The following PEAK1 variants were observed in gnomAD, a reference collection of about 807,000 sequenced individuals.
PEAK1 encodes the protein pseudopodium enriched atypical kinase 1, also known as inactive tyrosine-protein kinase PEAK1.
Under a neutral mutation model 124.7 loss-of-function variants are expected in PEAK1, and 54 were observed. The observed-to-expected ratio is 0.43, with a 90% CI of 0.35 to 0.54. PEAK1 has a LOEUF of 0.54. PEAK1 is among the 20% of genes least tolerant of loss of function. The pLI is 0.01. For synonymous variants in PEAK1, 719 were observed against 760.0 expected, an observed-to-expected ratio of 0.95 and a Z score of 0.89; for missense variants, 2,046 against 2,134.5, an observed-to-expected ratio of 0.96 and a Z score of 0.82.
At chr15:77,319,544 T>A (rs947510128) in intron 2 of PEAK1, among the ~76,000 whole-genome samples, 3 of 152,168 alleles carry the variant, frequency 2.0e-5, no homozygotes, top group Non-Finnish European at 4.4e-5. Flanking sequence ...TAGCTTGTGA[T>A]GATAATGGAA....
chr15:77,356,408 T>C (rs1168296853), intron 2 of PEAK1, among the ~76,000 whole-genome samples: 4 of 152,134 alleles, frequency 2.6e-5, no homozygotes, highest in South Asian at 2.1e-4. Flanking sequence ...CATACATCAA[T>C]GGTAGGAGAA....
chr15:77,390,048 T>C (rs912976273), intron 1 of PEAK1, among the ~76,000 whole-genome samples: 1 of 152,210 alleles, frequency 6.6e-6, no homozygotes, highest in African/African-American at 2.4e-5. Context: ...CCCTATGAAG[T>C]GGATACTTTT....
At chr15:77,141,147 G>A (rs536105207) in intron 8 of PEAK1, among the ~76,000 whole-genome samples, 33 of 152,122 alleles carry the variant, frequency 2.2e-4, no homozygotes, top group Admixed American at 1.2e-3. Context: ...GAAGCGTAGC[G>A]AATCCACACA....
At chr15:77,293,604 T>C (rs1048241748) in intron 2 of PEAK1, among the ~76,000 whole-genome samples, 4 of 152,226 alleles carry the variant, frequency 2.6e-5, no homozygotes, top group Admixed American at 1.3e-4. Flanking sequence ...TCCATGTGCT[T>C]CCACAGTATT....
At chr15:77,223,783 C>A (rs1007209850) in intron 6 of PEAK1, among the ~76,000 whole-genome samples, 40 of 151,718 alleles carry the variant, frequency 2.6e-4, no homozygotes, top group African/African-American at 9.7e-4. Flanking sequence ...TCCCTCTCTT[C>A]ACTGAAAACA....
chr15:77,350,543 TCTC>T, intron 2 of PEAK1: 1 of 979,416 alleles, frequency 1.0e-6, no homozygotes, highest in Admixed American at 6.2e-5. Flanking sequence ...CAATTGTGAG[TCTC>T]CTTAGTGTTA....
At chr15:77,173,937 T>C (rs565331944) in intron 7 of PEAK1, among the ~76,000 whole-genome samples, 1 of 152,254 alleles carries the variant, frequency 6.6e-6, no homozygotes, top group Non-Finnish European at 1.5e-5. Context: ...CCTAATAACA[T>C]TTTTAAGCAG....
intron 1 of PEAK1, among the ~76,000 whole-genome samples, chr15:77,371,968 G>A (rs1252955624): frequency 6.6e-6 from 1 of 152,166 alleles, no homozygotes; most frequent in East Asian, 1.9e-4. Flanking sequence ...CACATAATGG[G>A]TACTTTAAAA....
chr15:77,182,094 T>C, intron 6 of PEAK1, 54 bp from the exon 7 acceptor site: 2 of 1,302,436 alleles, frequency 1.5e-6, no homozygotes, highest in Admixed American at 3.6e-5. Flanking sequence ...ACTATGAGAC[T>C]TACCATTATT....
At position 77,113,743 on chromosome 15, in the gene PEAK1, C is replaced by T. The variant is rs1308649234; in HGVS notation, c.*413G>A. On this transcript the variant is annotated 3_prime_UTR_variant, in exon 10 of 10. Coordinates refer to ENST00000682557, the MANE Select transcript of PEAK1 (RefSeq NM_001385026.1). ...GGGTCGTGGTAGAGACTGGTTAAGT[C>T]TGTCTACTGCTAGTGAGAATAAATA... 5.4e-6 allele frequency: 1 copy of T among 185,954 alleles called. No individual in the cohort carries two copies. The highest frequency in any genetic ancestry group is 2.4e-5 in the African/African-American group (1 of 42,314). 11.5% of individuals were successfully genotyped at this position (185,954 alleles called of 1,614,324 possible).
At chr15:77,152,159 T>G (rs1392683532) in intron 8 of PEAK1, among the ~76,000 whole-genome samples, 1 of 152,196 alleles carries the variant, frequency 6.6e-6, no homozygotes, top group Non-Finnish European at 1.5e-5. Flanking sequence ...CCTCTTTTAT[T>G]TCATTGAGCA....
chr15:77,251,143 A>G (rs999582812), intron 6 of PEAK1, among the ~76,000 whole-genome samples: 1 of 152,250 alleles, frequency 6.6e-6, no homozygotes, highest in Non-Finnish European at 1.5e-5. Context: ...TAGAAATCCA[A>G]TGATTAAGAG....
intron 2 of PEAK1, chr15:77,346,394 G>A (rs2066875750): frequency 1.0e-6 from 1 of 984,292 alleles, no homozygotes; most frequent in African/African-American, 1.8e-5. Context: ...AAATGTTTAT[G>A]AGAAGGCAAT....
intron 1 of PEAK1, chr15:77,418,649 G>T (rs889454479): frequency 5.1e-6 from 5 of 985,268 alleles, no homozygotes; most frequent in Non-Finnish European, 6.0e-6. Context: ...GGTCGTCAGT[G>T]AATTGAGCTA....
At chr15:77,206,276 G>T (rs1008302189) in intron 6 of PEAK1, among the ~76,000 whole-genome samples, 93 of 146,426 alleles carry the variant, frequency 6.4e-4, no homozygotes, top group Middle Eastern at 3.4e-3. Context: ...GAATAATGCC[G>T]CAATAAACAT....
intron 2 of PEAK1, chr15:77,347,778 G>T: frequency 1.0e-6 from 1 of 983,912 alleles, no homozygotes; most frequent in Middle Eastern, 5.2e-4. Flanking sequence ...AAAAAATTTA[G>T]TGAGTGTATA....
chr15:77,250,257 A>T (rs7162760), intron 6 of PEAK1, among the ~76,000 whole-genome samples: 99,999 of 126,032 alleles, frequency 0.79, 37,392 homozygotes, highest in East Asian at 0.96. Flanking sequence ...ATATATATAT[A>T]TTTTTTTTTG....
intron 5 of PEAK1, among the ~76,000 whole-genome samples, chr15:77,263,400 T>C (rs529063023): frequency 4.6e-5 from 7 of 151,738 alleles, no homozygotes; most frequent in South Asian, 2.1e-4. Flanking sequence ...CAAATAGACG[T>C]AATAAAAAAT....
At position 77,114,068 on chromosome 15, in the gene PEAK1, T is replaced by C. The variant is rs1361757230; in HGVS notation, c.*88A>G. On this transcript the variant is annotated 3_prime_UTR_variant, in exon 10 of 10. Coordinates refer to ENST00000682557, the MANE Select transcript of PEAK1 (RefSeq NM_001385026.1). Reference sequence around the variant, plus strand: ...ATAGAGGTTTGCCTTTCTTCTTTCCTTGAATTTGGAGTGAGCACTAGGGAG... The same window carrying C: ...ATAGAGGTTTGCCTTTCTTCTTTCCCTGAATTTGGAGTGAGCACTAGGGAG... The C allele has an allele frequency of 1.4e-6, 2 of 1,413,486 alleles. No individual in the cohort carries two copies. The highest frequency in any genetic ancestry group is 2.0e-6 in the Non-Finnish European group (2 of 1,023,588). 87.6% of individuals were successfully genotyped at this position (1,413,486 alleles called of 1,614,324 possible). A position where few individuals can be genotyped will look rare whatever the true frequency, so the allele number is the denominator to read the frequency against.
Sources: gnomAD v4.1 joint callset for allele counts (sites outside exome capture counted in the v4.1 genomes callset) on GRCh38, gnomAD v4.1.1 for gene constraint, MANE v1.5 for transcripts, NCBI Gene and HGNC (gene_info 2026-07-23, HGNC 2026-07-21) for gene names.